Variants in RBFOX1 observed in about 807,000 individuals in gnomAD.
The protein encoded by RBFOX1 is RNA binding fox-1 homolog 1.
In RBFOX1, 8 loss-of-function variants were observed where a neutral mutation model predicts 57.7. That is an observed-to-expected ratio of 0.14 (90% CI 0.08 to 0.25). The LOEUF (loss-of-function observed/expected upper bound fraction) is 0.25, where lower values mean the gene tolerates loss of function less well. RBFOX1 is among the 10% of genes least tolerant of loss of function. The pLI is 1.00. For synonymous variants in RBFOX1, 326 were observed against 222.4 expected (o/e 1.47, Z -4.15); for missense variants, 611 against 548.5 (o/e 1.11, Z -1.14).
At chr16:6,762,499 C>G (rs112609184) in intron 3 of RBFOX1, among the ~76,000 whole-genome samples, 2 of 152,236 alleles carry the variant, frequency 1.3e-5, no homozygotes, top group African/African-American at 2.4e-5. Flanking sequence ...TAGTTTATGG[C>G]TCACCAGTGT....
intron 1 of RBFOX1, among the ~76,000 whole-genome samples, chr16:6,283,273 G>A (rs138244405): frequency 6.6e-6 from 1 of 152,152 alleles, no homozygotes; most frequent in Non-Finnish European, 1.5e-5. Flanking sequence ...CCTACAGTGA[G>A]CTGTGATGGC....
chr16:6,079,684 A>T (rs1008640169), intron 1 of RBFOX1, among the ~76,000 whole-genome samples: 1 of 152,102 alleles, frequency 6.6e-6, no homozygotes, highest in African/African-American at 2.4e-5. Context: ...AAAAATAAAT[A>T]AGTTAGCCAG....
chr16:7,107,776 G>A (rs573550493), intron 4 of RBFOX1, among the ~76,000 whole-genome samples: 1 of 152,062 alleles, frequency 6.6e-6, no homozygotes, highest in African/African-American at 2.4e-5. Context: ...CAGAATAAAA[G>A]TATTCTAATC....
rs111165027 is a variant in RBFOX1, at chr16:6,693,355, G to A, written c.-16+38705G>A. ...ATCATCCGTCTCCACTAGCATCACC[G>A]CCATCATCATCAACATCATCCTACT... On this transcript the variant is annotated intron_variant, in intron 3 of 15. Transcript: ENST00000550418. Among the ~76,000 whole-genome samples, 1,156 of 122,800 alleles carry A rather than the reference G, an allele frequency of 9.4e-3. 19 individuals are homozygous for A. Among genetic ancestry groups the A allele is most frequent in the African/African-American group, 0.034 (1,080 of 32,098 alleles). 80.6% of individuals were successfully genotyped at this position (122,800 alleles called of 152,430 possible).
chr16:7,217,089 T>A (rs1418547628), intron 4 of RBFOX1, among the ~76,000 whole-genome samples: 3 of 121,278 alleles, frequency 2.5e-5, no homozygotes, highest in Non-Finnish European at 3.4e-5. Context: ...CTCCCCTGTT[T>A]CCCTTTCCTT....
At chr16:6,388,243 G>A (rs969796081) in intron 2 of RBFOX1, among the ~76,000 whole-genome samples, 5 of 151,966 alleles carry the variant, frequency 3.3e-5, no homozygotes, top group Non-Finnish European at 7.4e-5. Context: ...TGGGATTACA[G>A]GTGTGAGCCA....
intron 4 of RBFOX1, among the ~76,000 whole-genome samples, chr16:7,282,847 C>T (rs1478387473): frequency 1.3e-5 from 2 of 152,184 alleles, no homozygotes; most frequent in Non-Finnish European, 2.9e-5. Flanking sequence ...TTTTCCATTC[C>T]TGAGTTACTT....
chr16:6,469,912 A>G (rs144021901), intron 2 of RBFOX1, among the ~76,000 whole-genome samples: 2,216 of 152,326 alleles, frequency 0.015, 30 homozygotes, highest in Non-Finnish European at 0.023. Context: ...CATGTTGACC[A>G]ATCTGTAAGC....
intron 1 of RBFOX1, among the ~76,000 whole-genome samples, chr16:6,309,959 C>G (rs539214732): frequency 1.3e-5 from 2 of 152,148 alleles, no homozygotes; most frequent in Non-Finnish European, 2.9e-5. Flanking sequence ...TGCAGTGGCA[C>G]GATCTCAGCT....
intron 1 of RBFOX1, among the ~76,000 whole-genome samples, chr16:5,354,822 C>T (rs1425140130): frequency 1.2e-4 from 19 of 152,206 alleles, no homozygotes; most frequent in African/African-American, 3.6e-4. Context: ...TTCTGAGACT[C>T]CTGATGGCAG....
intron 2 of RBFOX1, chr16:6,483,555 C>A (rs1040112000): frequency 1.2e-5 from 18 of 1,534,658 alleles, no homozygotes; most frequent in Non-Finnish European, 1.5e-5. Flanking sequence ...GTACGGCGAG[C>A]GAAGAAGACT....
chr16:5,401,152 T>C (rs2066703176), intron 1 of RBFOX1, among the ~76,000 whole-genome samples: 1 of 152,214 alleles, frequency 6.6e-6, no homozygotes, highest in Non-Finnish European at 1.5e-5. Context: ...GCCTTCTCTA[T>C]CTTAATATTG....
At chr16:7,319,083 T>C (rs1420966797) in intron 4 of RBFOX1, among the ~76,000 whole-genome samples, 1 of 152,188 alleles carries the variant, frequency 6.6e-6, no homozygotes, top group Non-Finnish European at 1.5e-5. Context: ...CTTTCTTTGT[T>C]TTTTTATCCT....
chr16:6,698,673 A>G (rs76756737), intron 3 of RBFOX1, among the ~76,000 whole-genome samples: 4,448 of 152,226 alleles, frequency 0.029, 218 homozygotes, highest in African/African-American at 0.1. Flanking sequence ...GGTTAGAATC[A>G]CATTATTCTA....
At chr16:7,465,885 C>T (rs191416082) in intron 4 of RBFOX1, among the ~76,000 whole-genome samples, 3 of 152,336 alleles carry the variant, frequency 2.0e-5, no homozygotes, top group East Asian at 3.9e-4. Context: ...TTCATACATA[C>T]ATTTTTTTGC....
At position 6,806,404 on chromosome 16, in the gene RBFOX1, G is replaced by A. The variant is rs1050291264; in HGVS notation, c.-16+151754G>A. ...GTAATAAGGAAAAACCAGAAAGACT[G>A]TAATACATTTGCATCTTTTTCAAAT... On this transcript the variant is annotated intron_variant, in intron 3 of 15. Coordinates refer to ENST00000550418, the MANE Select transcript of RBFOX1 (RefSeq NM_018723.4). 3.5e-4 allele frequency among the ~76,000 whole-genome samples: 54 copies of A among 152,154 alleles called. 2 individuals are homozygous for A. The highest frequency in any genetic ancestry group is 2.2e-3 in the Admixed American group (33 of 15,272).
chr16:6,953,297 C>G (rs535746244), intron 3 of RBFOX1, among the ~76,000 whole-genome samples: 6 of 152,258 alleles, frequency 3.9e-5, no homozygotes, highest in South Asian at 2.1e-4. Flanking sequence ...CAGAACTACT[C>G]TGAAACAGAA....
intron 3 of RBFOX1, among the ~76,000 whole-genome samples, chr16:6,733,796 GTT>G (rs2069319541): frequency 6.6e-6 from 1 of 152,152 alleles, no homozygotes; most frequent in Admixed American, 6.5e-5. Flanking sequence ...ACAAAGCTGG[GTT>G]CTACTACCAT....
intron 3 of RBFOX1, among the ~76,000 whole-genome samples, chr16:5,807,183 C>T (rs2055257702): frequency 6.6e-6 from 1 of 152,174 alleles, no homozygotes; most frequent in Admixed American, 6.5e-5. Flanking sequence ...TCTTTTTCCA[C>T]CATGATGGAA....
Sources: gnomAD v4.1 joint callset for allele counts (sites outside exome capture counted in the v4.1 genomes callset) on GRCh38, gnomAD v4.1.1 for gene constraint, MANE v1.5 for transcripts, NCBI Gene and HGNC (gene_info 2026-07-23, HGNC 2026-07-21) for gene names.